HHIP: variants seen among roughly 807,000 people sequenced by gnomAD.
The protein encoded by HHIP is hedgehog-interacting protein.
In HHIP, 12 loss-of-function variants were observed where a neutral mutation model predicts 74.0. The ratio of observed to expected loss-of-function variants is 0.16; its 90% CI spans 0.10 to 0.26. HHIP has a LOEUF of 0.26. Among genes scored for constraint, HHIP ranks in the 10% least tolerant of loss-of-function variants. The pLI, the probability that HHIP is intolerant of heterozygous loss-of-function variation, is 1.00. For missense variants in HHIP, 788 were observed against 845.0 expected (o/e 0.93, Z 0.84); for synonymous variants, 309 against 311.6 (o/e 0.99, Z 0.09).
chr4:144,673,282 T>C (rs1382712858), intron 4 of HHIP, among the ~76,000 whole-genome samples: 1 of 152,256 alleles, frequency 6.6e-6, no homozygotes, highest in African/African-American at 2.4e-5. Flanking sequence ...TAAGCATTTT[T>C]ACACATGGTG....
rs746673336 is a variant in HHIP, at chr4:144,667,301, AT to A, written c.831+7467del. Among the ~76,000 whole-genome samples, 4 of 152,242 alleles carry A rather than the reference AT, an allele frequency of 2.6e-5. No individual in the cohort carries two copies. In the South Asian group the frequency reaches 8.3e-4, roughly 32 times the overall value. ...GAGTTCAAGGTTGCAGTGAGCTATG[AT>A]TTTGCCACCACACTCCAGCCTCAGT... On this transcript the variant is annotated intron_variant, in intron 4 of 12. Coordinates refer to ENST00000296575, the MANE Select transcript of HHIP (RefSeq NM_022475.3).
chr4:144,647,091 G>T, intron 1 of HHIP, 137 bp downstream of exon 1: 1 of 684,948 alleles, frequency 1.5e-6, no homozygotes, highest in African/African-American at 1.8e-5. Flanking sequence ...TTTCTATAGC[G>T]CTAACGTGAT....
chr4:144,692,265 G>A (rs761141096), intron 4 of HHIP, among the ~76,000 whole-genome samples: 8 of 152,112 alleles, frequency 5.3e-5, no homozygotes, highest in African/African-American at 7.2e-5. Flanking sequence ...TCACATAAGC[G>A]AAGATTCAAA....
chr4:144,689,913 A>G (rs1729598141), intron 4 of HHIP, among the ~76,000 whole-genome samples: 1 of 152,100 alleles, frequency 6.6e-6, no homozygotes, highest in Non-Finnish European at 1.5e-5. Flanking sequence ...GCTTTAAGCA[A>G]TTCTCCTGCC....
chr4:144,680,957 A>C (rs1040088998), intron 4 of HHIP, among the ~76,000 whole-genome samples: 13 of 152,346 alleles, frequency 8.5e-5, no homozygotes, highest in African/African-American at 2.9e-4. Context: ...TATCTCTACC[A>C]AGGAATAGGA....
chr4:144,684,525 C>T (rs973186271), intron 4 of HHIP, among the ~76,000 whole-genome samples: 7 of 151,462 alleles, frequency 4.6e-5, no homozygotes, highest in Non-Finnish European at 5.9e-5. Flanking sequence ...GTGATCCGCC[C>T]GCCTCGGCCT....
intron 2 of HHIP, among the ~76,000 whole-genome samples, chr4:144,657,532 A>G (rs1728589057): frequency 1.3e-5 from 2 of 152,222 alleles, no homozygotes; most frequent in South Asian, 4.1e-4. Context: ...ATATTTTGAG[A>G]GCAGAAATCA....
chr4:144,708,460 C>T, intron 7 of HHIP, 149 bp downstream of exon 7: 1 of 690,236 alleles, frequency 1.4e-6, no homozygotes, highest in South Asian at 1.9e-5. Context: ...GGTCATTACT[C>T]AAGTGAGTAT....
chr4:144,673,482 A>G (rs1441514623), intron 4 of HHIP, among the ~76,000 whole-genome samples: 1 of 152,234 alleles, frequency 6.6e-6, no homozygotes, highest in Non-Finnish European at 1.5e-5. Context: ...GAAAATGGTA[A>G]CCACAATTAA....
chr4:144,687,471 A>G lies in HHIP; in HGVS notation c.832-19060A>G, dbSNP rs536158334. 9.8e-5 allele frequency among the ~76,000 whole-genome samples: 15 copies of G among 152,300 alleles called. No individual in the cohort carries two copies. In the South Asian group the frequency reaches 3.1e-3, roughly 32 times the overall value. On this transcript the variant is annotated intron_variant, in intron 4 of 12. Coordinates refer to ENST00000296575, the MANE Select transcript of HHIP (RefSeq NM_022475.3). ...AGAGCTTAATGATGCATCCCTGCTT[A>G]ATTTCTACCAATTTCACAGAGGATA...
chr4:144,649,246 A>T (rs896982487), intron 1 of HHIP, among the ~76,000 whole-genome samples: 1 of 151,876 alleles, frequency 6.6e-6, no homozygotes, highest in Admixed American at 6.6e-5. Flanking sequence ...AAAAAAAAAA[A>T]TTCCCCAGAA....
chr4:144,681,168 G>C (rs1729327243), intron 4 of HHIP, among the ~76,000 whole-genome samples: 1 of 151,934 alleles, frequency 6.6e-6, no homozygotes, highest in African/African-American at 2.4e-5. Flanking sequence ...TTTTCTTTAT[G>C]TGAAACCCAT....
At chr4:144,726,230 T>C (rs1173753054) in intron 11 of HHIP, among the ~76,000 whole-genome samples, 2 of 152,298 alleles carry the variant, frequency 1.3e-5, no homozygotes, top group African/African-American at 2.4e-5. Context: ...TATAACCTAA[T>C]TATTTAGTTT....
intron 4 of HHIP, among the ~76,000 whole-genome samples, chr4:144,667,160 T>A (rs1042820341): frequency 2.0e-5 from 3 of 152,006 alleles, no homozygotes. Context: ...ACCAGCTTTA[T>A]CAACATAGCG....
intron 4 of HHIP, among the ~76,000 whole-genome samples, chr4:144,696,812 G>A (rs112082542): frequency 2.7e-4 from 41 of 151,976 alleles, no homozygotes; most frequent in African/African-American, 9.9e-4. Context: ...TCTCTGTCAC[G>A]CAGTAAGAAC....
rs747403284 is a variant in HHIP at position 144,652,808 on chromosome 4, A to G, written c.472+11A>G. ...GAGGCCATATTCCAGGTAAGAAAAA[A>G]AAATGCATAAGTAAAATAAACCACT... On this transcript the variant is annotated intron_variant, in intron 2 of 12. Coordinates refer to ENST00000296575, the MANE Select transcript of HHIP (RefSeq NM_022475.3). 8.4e-6 allele frequency: 13 copies of G among 1,556,388 alleles called. No homozygotes were observed. In the African/African-American group the frequency reaches 1.5e-4, roughly 18 times the overall value.
At chr4:144,696,027 C>T (rs1306509823) in intron 4 of HHIP, among the ~76,000 whole-genome samples, 7 of 151,728 alleles carry the variant, frequency 4.6e-5, no homozygotes, top group Admixed American at 4.6e-4. Flanking sequence ...AATTACATTC[C>T]CTACTTGAGA....
intron 4 of HHIP, among the ~76,000 whole-genome samples, chr4:144,697,861 A>G (rs1004671188): frequency 1.2e-4 from 18 of 152,104 alleles, no homozygotes; most frequent in Non-Finnish European, 2.5e-4. Context: ...TCTAGAAAAT[A>G]GCCACTTCCA....
intron 12 of HHIP, among the ~76,000 whole-genome samples, chr4:144,737,234 C>A (rs1019229034): frequency 6.6e-6 from 1 of 152,128 alleles, no homozygotes; most frequent in African/African-American, 2.4e-5. Context: ...ATGCTGTCTG[C>A]CCCCTGGAAG....
Sources: gnomAD v4.1 joint callset for allele counts (sites outside exome capture counted in the v4.1 genomes callset) on GRCh38, gnomAD v4.1.1 for gene constraint, MANE v1.5 for transcripts, NCBI Gene and HGNC (gene_info 2026-07-23, HGNC 2026-07-21) for gene names.